The following SBK1 variants were observed in gnomAD, a reference collection of about 807,000 sequenced individuals.
SBK1 encodes the protein serine/threonine-protein kinase SBK1.
SBK1 carries 11 observed loss-of-function variants against 24.4 expected under a neutral mutation model. The ratio of observed to expected loss-of-function variants is 0.45; its 90% CI spans 0.28 to 0.75. The LOEUF (loss-of-function observed/expected upper bound fraction) is 0.75, where lower values mean the gene tolerates loss of function less well. Among genes scored for constraint, SBK1 ranks in the 30% least tolerant of loss-of-function variants. SBK1 has a pLI of 0.12. For synonymous variants in SBK1, 308 were observed against 284.4 expected (o/e 1.08, Z -0.83); for missense variants, 467 against 620.5 (o/e 0.75, Z 2.63).
intron 1 of SBK1, among the ~76,000 whole-genome samples, chr16:28,296,699 T>A (rs2044643359): frequency 6.6e-6 from 1 of 152,122 alleles, no homozygotes; most frequent in Non-Finnish European, 1.5e-5. Context: ...TGGTTCCACT[T>A]TCCACTCTTG....
chr16:28,317,430 C>T lies in SBK1; in HGVS notation c.39C>T (p.Ser13=), dbSNP rs1257411299. The T allele has an allele frequency of 1.2e-6, 2 of 1,614,040 alleles. No individual in the cohort carries two copies. The highest frequency in any genetic ancestry group is 1.3e-5 in the African/African-American group (1 of 74,948). ...VGCPEPEPPR[S]LTCCGPGTAP... The stretch of plus-strand genomic sequence containing the variant: ...GCCCAGAGCCTGAGCCGCCCCGCTC[C>T]CTGACCTGCTGTGGGCCGGGGACTG... Residue 13 remains serine (S), a synonymous_variant, in exon 2 of 4, where the codon TCC becomes TCT. Transcript: ENST00000341901. The surrounding 1 kb of genome is among the most constrained non-coding windows in gnomAD (Gnocchi z 4.2).
rs748699812 is a variant in SBK1, at chr16:28,318,675, G to A, written c.227-320G>A. ...CAAGACAGGAAGCTTAGGGAGACCC[G>A]TTCTAGATGGGGTAGGCTGACAAGA... On this transcript the variant is annotated intron_variant, in intron 2 of 3. Transcript: ENST00000341901. Among the ~76,000 whole-genome samples the A allele has an allele frequency of 4.6e-4, 70 of 152,290 alleles. 2 individuals are homozygous for A. Among genetic ancestry groups the A allele is most frequent in the Admixed American group, 3.3e-4 (5 of 15,302 alleles).
intron 1 of SBK1, among the ~76,000 whole-genome samples, chr16:28,293,519 G>A (rs1040568674): frequency 2.0e-5 from 3 of 152,124 alleles, no homozygotes; most frequent in Admixed American, 2.0e-4. Context: ...CTCGGGCGCA[G>A]CTCCCCGGCC....
chr16:28,279,486 T>C (rs1186853064), intron 1 of SBK1, among the ~76,000 whole-genome samples: 2 of 151,722 alleles, frequency 1.3e-5, no homozygotes, highest in Admixed American at 1.3e-4. Context: ...AAGAAGCTTT[T>C]GTTTCTGCTC....
At position 28,293,211 on chromosome 16, in the gene SBK1, C is replaced by T. The variant is rs2044614305; in HGVS notation, c.-97C>T. ...CACCGCTTGCACCCCGGTCCATGGT[C>T]GTGGCGCCCTGAGCCCCCGGGGCCG... is the stretch of plus-strand genomic sequence containing the variant. On this transcript the variant is annotated 5_prime_UTR_variant, in exon 1 of 4. Transcript: ENST00000341901. 1 of 985,418 alleles carries T rather than the reference C, an allele frequency of 1.0e-6. No homozygotes were observed. The highest frequency in any genetic ancestry group is 1.2e-6 in the Non-Finnish European group (1 of 829,924). 61.0% of individuals were successfully genotyped at this position (985,418 alleles called of 1,614,324 possible). A position where few individuals can be genotyped will look rare whatever the true frequency, so the allele number is the denominator to read the frequency against.
Position 28,320,730 on chromosome 16 carries a change from G to A in SBK1, c.1084G>A (p.Gly362Ser). ...KRTVLTESGS[G>S]SRPAPPAVGS... is the part of the protein sequence containing the mutation. Reference sequence around the variant, plus strand: ...GACGGTGCTGACCGAGAGCGGCAGCGGCTCCCGGCCCGCGCCCCCCGCCGT... The same window carrying A: ...GACGGTGCTGACCGAGAGCGGCAGCAGCTCCCGGCCCGCGCCCCCCGCCGT... Residue 362 changes from glycine to serine, a missense_variant, in exon 4 of 4, where the codon GGC (glycine) becomes AGC (serine). Physicochemically the swap from Gly to Ser is moderately conservative, Grantham distance 56. Coordinates refer to ENST00000341901, the MANE Select transcript of SBK1 (RefSeq NM_001024401.3). This position sits in a 1 kb window ranked among gnomAD's most constrained non-coding sequence, Gnocchi z 8.5. The A allele has an allele frequency of 1.7e-6, 2 of 1,165,022 alleles. No homozygotes were observed. Among genetic ancestry groups the A allele is most frequent in the Non-Finnish European group, 2.1e-6 (2 of 940,790 alleles). The allele number at this position is 1,165,022 out of a possible 1,614,324, so 72.2% of individuals were successfully genotyped here. A position where few individuals can be genotyped will look rare whatever the true frequency, so the allele number is the denominator to read the frequency against.
At position 28,273,634 on chromosome 16, in the gene SBK1, G is replaced by A. The variant is rs565150784; in HGVS notation, c.257+14132G>A. ...TTTTTTGTAGAGATGGGGTTATGCC[G>A]TGTTACCCAGGCTGGTCTTAAACTC... On this transcript the variant is annotated intron_variant, in intron 1 of 3. Coordinates refer to the SBK1 transcript ENST00000671413. Among the ~76,000 whole-genome samples the A allele has an allele frequency of 1.8e-4, 27 of 151,312 alleles. 1 individual carries two copies. Among genetic ancestry groups the A allele is most frequent in the Admixed American group, 3.3e-4 (5 of 15,200 alleles).
chr16:28,262,218 T>TA (rs1215036208), intron 1 of SBK1, among the ~76,000 whole-genome samples: 1 of 152,188 alleles, frequency 6.6e-6, no homozygotes, highest in East Asian at 1.9e-4. Context: ...GAGAAATCTG[T>TA]GGCTGCCCCC....
At chr16:28,313,625 G>A (rs2044770081) in intron 1 of SBK1, among the ~76,000 whole-genome samples, 1 of 151,750 alleles carries the variant, frequency 6.6e-6, no homozygotes, top group Non-Finnish European at 1.5e-5. Flanking sequence ...ATACTGACAG[G>A]GGAGATGAGC....
At chr16:28,303,109 A>T (rs1042533282) in intron 1 of SBK1, among the ~76,000 whole-genome samples, 2 of 148,368 alleles carry the variant, frequency 1.3e-5, no homozygotes, top group African/African-American at 5.0e-5. Context: ...TGGCATGTTC[A>T]GGGAACAGTG....
At chr16:28,268,671 G>A (rs377119285) in intron 1 of SBK1, among the ~76,000 whole-genome samples, 30 of 152,078 alleles carry the variant, frequency 2.0e-4, no homozygotes, top group African/African-American at 5.8e-4. Flanking sequence ...GCTGAGACAC[G>A]AGAATTGCTT....
At chr16:28,269,451 A>G (rs528591960) in intron 1 of SBK1, among the ~76,000 whole-genome samples, 1 of 152,218 alleles carries the variant, frequency 6.6e-6, no homozygotes, top group East Asian at 1.9e-4. Context: ...CCACATCTGA[A>G]CAAAGGAGCT....
At chr16:28,316,726 A>C (rs1015870226) in intron 1 of SBK1, among the ~76,000 whole-genome samples, 14 of 152,230 alleles carry the variant, frequency 9.2e-5, no homozygotes, top group Non-Finnish European at 2.9e-5. Flanking sequence ...TAAATAAATA[A>C]AAATTAGCCA....
chr16:28,305,900 C>T (rs2044713485), intron 1 of SBK1, among the ~76,000 whole-genome samples: 1 of 152,192 alleles, frequency 6.6e-6, no homozygotes, highest in African/African-American at 2.4e-5. Context: ...TGACCCAATC[C>T]TTGCCTTGCT....
At chr16:28,269,032 CTTTT>C (rs1223749659) in intron 1 of SBK1, among the ~76,000 whole-genome samples, 5 of 130,230 alleles carry the variant, frequency 3.8e-5, no homozygotes, top group Admixed American at 7.7e-5. Flanking sequence ...AAGTTCTTTC[CTTTT>C]TTTTTTTTTT....
chr16:28,262,782 T>G (rs992506353), intron 1 of SBK1, among the ~76,000 whole-genome samples: 5 of 152,184 alleles, frequency 3.3e-5, no homozygotes, highest in African/African-American at 1.2e-4. Flanking sequence ...TTTGATGTAT[T>G]AATTAAGGTG....
At chr16:28,287,641 T>C (rs1330266507), upstream of SBK1, among the ~76,000 whole-genome samples, 1 of 151,046 alleles carries the variant, frequency 6.6e-6, no homozygotes. Flanking sequence ...TCTTTTTTTG[T>C]TTTTGTTTGT....
rs1438531418 is a variant in SBK1 at position 28,317,672 on chromosome 16, G to T, written c.226+55G>T. The T allele has an allele frequency of 8.3e-7, 1 of 1,205,142 alleles. No homozygotes were observed. The highest frequency in any genetic ancestry group is 1.2e-6 in the Non-Finnish European group (1 of 815,104). 74.7% of individuals were successfully genotyped at this position (1,205,142 alleles called of 1,614,324 possible). A position where few individuals can be genotyped will look rare whatever the true frequency, so the allele number is the denominator to read the frequency against. On this transcript the variant is annotated intron_variant, in intron 2 of 3. Coordinates refer to ENST00000341901, the MANE Select transcript of SBK1 (RefSeq NM_001024401.3). The surrounding 1 kb of genome is among the most constrained non-coding windows in gnomAD (Gnocchi z 4.2). ...AGGTTGGGGTGGGGCAGGGCTGGGA[G>T]GTCAGGGTTGGGGGACATGACCTTG...
intron 1 of SBK1, among the ~76,000 whole-genome samples, chr16:28,275,791 C>T (rs936847833): frequency 3.3e-5 from 5 of 151,830 alleles, no homozygotes; most frequent in African/African-American, 7.3e-5. Context: ...GTGGGAGGAT[C>T]GCTTAAGTCC....
Sources: allele counts gnomAD v4.1 joint callset (sites outside exome capture counted in the v4.1 genomes callset), GRCh38; gene constraint gnomAD v4.1.1; non-coding constraint Gnocchi (gnomAD v3.1); transcripts MANE v1.5; gene names NCBI Gene and HGNC (gene_info 2026-07-23, HGNC 2026-07-21).